The following ANKRD11 variants were observed in gnomAD, a reference collection of about 807,000 sequenced individuals.
ANKRD11 encodes ankyrin repeat domain-containing protein 11.
A neutral mutation model predicts 195.7 loss-of-function variants in ANKRD11; 17 were observed. The observed-to-expected ratio is 0.09, with a 90% CI of 0.06 to 0.13. The LOEUF (loss-of-function observed/expected upper bound fraction) is 0.13, where lower values mean the gene tolerates loss of function less well. Among genes scored for constraint, ANKRD11 ranks in the 10% least tolerant of loss-of-function variants. The pLI, the probability that ANKRD11 is intolerant of heterozygous loss-of-function variation, is 1.00. For synonymous variants in ANKRD11, 1,953 were observed against 1,528.1 expected (o/e 1.28, Z -6.49); for missense variants, 3,735 against 3,566.1 (o/e 1.05, Z -1.21).
chr16:89,461,390 G>C (rs1031475292), intron 1 of ANKRD11, among the ~76,000 whole-genome samples: 3 of 152,104 alleles, frequency 2.0e-5, no homozygotes, highest in African/African-American at 7.2e-5. Flanking sequence ...TAATACCAGA[G>C]AACTGCACAC....
intron 2 of ANKRD11, among the ~76,000 whole-genome samples, chr16:89,377,157 G>A (rs575683147): frequency 1.3e-5 from 2 of 152,184 alleles, no homozygotes; most frequent in South Asian, 2.1e-4. Flanking sequence ...AGGCGTCAAC[G>A]TGGTCTTCCT....
At chr16:89,349,134 T>TAAAAAAA (rs59621400) in intron 2 of ANKRD11, among the ~76,000 whole-genome samples, 272 of 16,528 alleles carry the variant, frequency 0.016, 17 homozygotes, top group East Asian at 0.055. Context: ...TCTCAAAAAG[T>TAAAAAAA]AAAAAAAAAA....
intron 1 of ANKRD11, among the ~76,000 whole-genome samples, chr16:89,485,841 G>C (rs1025896372): frequency 2.6e-4 from 39 of 152,152 alleles, no homozygotes; most frequent in African/African-American, 9.4e-4. Flanking sequence ...CATGTGACCA[G>C]AGGGGCCTCC....
chr16:89,330,657 TGGGGGGGGG>T (rs71134204), intron 2 of ANKRD11, among the ~76,000 whole-genome samples: 1 of 5,076 alleles, frequency 2.0e-4, no homozygotes, highest in Non-Finnish European at 3.7e-4. Flanking sequence ...GTACAGTGAC[TGGGGGGGGG>T]GGGGGGGGGC....
intron 1 of ANKRD11, among the ~76,000 whole-genome samples, chr16:89,475,046 C>CA: frequency 6.6e-6 from 1 of 152,312 alleles, no homozygotes; most frequent in East Asian, 1.9e-4. Flanking sequence ...AAGGGGGTGG[C>CA]AGCCGGGACT....
chr16:89,358,778 T>TGCC, intron 2 of ANKRD11, among the ~76,000 whole-genome samples: 1 of 151,968 alleles, frequency 6.6e-6, no homozygotes, highest in South Asian at 2.1e-4. Context: ...ACTTCCCCTG[T>TGCC]GCCGCTAAAA....
chr16:89,479,177 A>T (rs1212531841), intron 1 of ANKRD11, among the ~76,000 whole-genome samples: 1 of 152,124 alleles, frequency 6.6e-6, no homozygotes, highest in Non-Finnish European at 1.5e-5. Context: ...GATTCAGGTG[A>T]CAGTTAACTG....
At position 89,270,748 on chromosome 16, in the gene ANKRD11, G is replaced by C. The variant is rs1481556904; in HGVS notation, c.7806+69C>G. 6 of 1,514,638 alleles carry C rather than the reference G, an allele frequency of 4.0e-6. No individual in the cohort carries two copies. The Admixed American group carries it at 7.1e-5, about 18-fold the overall frequency. The allele number at this position is 1,514,638 out of a possible 1,614,324, so 93.8% of individuals were successfully genotyped here. A position where few individuals can be genotyped will look rare whatever the true frequency, so the allele number is the denominator to read the frequency against. On this transcript the variant is annotated intron_variant, in intron 12 of 12. Transcript: ENST00000301030. The stretch of plus-strand genomic sequence containing the variant: ...CCCCCCAGGCAGCGCAAAGGGGGTT[G>C]TCACCACCCATCACAGAACTGGGCA...
At chr16:89,359,987 G>A (rs986113631) in intron 2 of ANKRD11, among the ~76,000 whole-genome samples, 6 of 151,950 alleles carry the variant, frequency 3.9e-5, no homozygotes, top group African/African-American at 1.2e-4. Context: ...GAGGTTGTAC[G>A]TGTTATTCTA....
rs202216051 is a variant in ANKRD11, at chr16:89,279,982, G to C, written c.6560C>G (p.Pro2187Arg). The C allele has an allele frequency of 6.2e-7, 1 of 1,611,338 alleles. No individual in the cohort carries two copies. Among genetic ancestry groups the C allele is most frequent in the Non-Finnish European group, 8.5e-7 (1 of 1,179,886 alleles). The stretch of plus-strand genomic sequence containing the variant: ...GGCCTGGTCAGGAGGCAGTGCCGGC[G>C]GCTCCTCAGCCACTACGGTGGAAAC... ...GDVSTVVAEE[P>R]PALPPDQAST... Residue 2187 changes from proline to arginine, a missense_variant, in exon 9 of 13, where the codon CCG becomes CGG. By Grantham distance (103) the Pro-to-Arg change is moderately radical. Coordinates refer to ENST00000301030, the MANE Select transcript of ANKRD11 (RefSeq NM_013275.6). This position sits in a 1 kb window ranked among gnomAD's most constrained non-coding sequence, Gnocchi z 5.6.
At chr16:89,386,183 T>C (rs2040902510) in intron 2 of ANKRD11, among the ~76,000 whole-genome samples, 1 of 152,194 alleles carries the variant, frequency 6.6e-6, no homozygotes, top group Non-Finnish European at 1.5e-5. Context: ...CATCTTTTAA[T>C]GTAAGTTTAA....
chr16:89,314,052 C>T (rs1417774507), intron 3 of ANKRD11, among the ~76,000 whole-genome samples: 9 of 152,088 alleles, frequency 5.9e-5, no homozygotes, highest in Non-Finnish European at 8.8e-5. Context: ...GGTAAGATCT[C>T]GTCTCTACAA....
intron 2 of ANKRD11, among the ~76,000 whole-genome samples, chr16:89,325,980 G>A (rs377097277): frequency 7.2e-5 from 11 of 152,324 alleles, no homozygotes; most frequent in African/African-American, 2.6e-4. Context: ...AATACACACT[G>A]CAGGGCACCC....
intron 2 of ANKRD11, among the ~76,000 whole-genome samples, chr16:89,329,166 G>A (rs988502478): frequency 3.9e-5 from 6 of 152,166 alleles, no homozygotes; most frequent in African/African-American, 9.7e-5. Context: ...CACCAACCTC[G>A]GGGAAACAGG....
At chr16:89,341,006 C>G (rs2038629333) in intron 2 of ANKRD11, among the ~76,000 whole-genome samples, 1 of 152,262 alleles carries the variant, frequency 6.6e-6, no homozygotes, top group African/African-American at 2.4e-5. Context: ...GACTCACCAA[C>G]ACACCCAGAA....
At position 89,284,372 on chromosome 16, in the gene ANKRD11, T is replaced by C. The variant is rs2034498502; in HGVS notation, c.2170A>G (p.Thr724Ala). The part of the protein sequence containing the change: ...DEKSLKRIKD[T>A]NKDISRSFRE... ...AAAGACCTGCTGATGTCTTTGTTTG[T>C]GTCTTTGATTCTCTTCAGTGATTTT... The change falls in exon 9 of 13, where the codon ACA (threonine) becomes GCA (alanine). Residue 724 changes from threonine (T) to alanine (A), a missense_variant. Thr to Ala is a moderately conservative substitution (Grantham distance 58, BLOSUM62 0). Transcript: ENST00000301030. 1 of 1,613,794 alleles carries C rather than the reference T, an allele frequency of 6.2e-7. No homozygotes were observed. Among genetic ancestry groups the C allele is most frequent in the South Asian group, 1.1e-5 (1 of 91,070 alleles).
intron 1 of ANKRD11, among the ~76,000 whole-genome samples, chr16:89,418,884 C>T (rs886894615): frequency 1.3e-5 from 2 of 151,918 alleles, no homozygotes; most frequent in Admixed American, 6.6e-5. Flanking sequence ...ATTCTCCTAC[C>T]TCAGCCTCCC....
intron 2 of ANKRD11, among the ~76,000 whole-genome samples, chr16:89,330,558 G>C (rs1020706263): frequency 6.6e-6 from 1 of 151,514 alleles, no homozygotes; most frequent in Non-Finnish European, 1.5e-5. Flanking sequence ...ATGGGGTGGT[G>C]TGGGGGGGAG....
intron 2 of ANKRD11, among the ~76,000 whole-genome samples, chr16:89,327,081 T>TGGAAATGGAGAGGTG: frequency 7.0e-6 from 1 of 142,192 alleles, no homozygotes; most frequent in South Asian, 2.3e-4. Context: ...ATGCAGAGGT[T>TGGAAATGGAGAGGTG]GGAAATGCAG....
Sources: gnomAD v4.1 joint callset for allele counts (sites outside exome capture counted in the v4.1 genomes callset) on GRCh38, gnomAD v4.1.1 for gene constraint, Gnocchi (gnomAD v3.1) non-coding constraint, MANE v1.5 for transcripts, NCBI Gene and HGNC (gene_info 2026-07-23, HGNC 2026-07-21) for gene names.